CALN1: variants seen among roughly 807,000 people sequenced by gnomAD.
CALN1 encodes calcium-binding protein 8.
CALN1 carries 17 observed loss-of-function variants against 30.6 expected under a neutral mutation model. The ratio of observed to expected loss-of-function variants is 0.56; its 90% CI spans 0.38 to 0.83. The LOEUF (loss-of-function observed/expected upper bound fraction) is 0.83. Among genes scored for constraint, CALN1 ranks in the 40% least tolerant of loss-of-function variants. CALN1 has a pLI of 0.00. For missense variants in CALN1, 291 were observed against 354.9 expected, an observed-to-expected ratio of 0.82 and a Z score of 1.45; for synonymous variants, 156 against 131.4, an observed-to-expected ratio of 1.19 and a Z score of -1.28.
At chr7:72,483,369 C>G in the CALN1 span, among the ~76,000 whole-genome samples, 1 of 150,214 alleles carries the variant, frequency 6.7e-6, no homozygotes, top group Non-Finnish European at 1.5e-5. Context: ...ACTGCAACCT[C>G]CATCTCCCAG....
rs1369094092 is a variant in CALN1, at chr7:72,095,965, AGGGG to A, written c.388+10182_388+10185del. On this transcript the variant is annotated intron_variant, in intron 4 of 6. Coordinates refer to ENST00000395275, the MANE Select transcript of CALN1 (RefSeq NM_031468.4). The stretch of plus-strand genomic sequence containing the variant: ...TGAGGCAGGCGGATGGCTTGAGCCC[AGGGG>A]GCAAGGCTGCAGTGAGCTATGATGA... Among the ~76,000 whole-genome samples, 3 of 152,078 alleles carry A rather than the reference AGGGG, an allele frequency of 2.0e-5. No individual in the cohort carries two copies. The South Asian group carries it at 6.2e-4, about 32-fold the overall frequency.
chr7:72,024,386 A>G (rs1800915223), intron 4 of CALN1, among the ~76,000 whole-genome samples: 1 of 152,070 alleles, frequency 6.6e-6, no homozygotes. Context: ...CATGCTTTCT[A>G]TATTTGAACA....
At chr7:72,159,306 C>A (rs760663647) in intron 3 of CALN1, among the ~76,000 whole-genome samples, 1 of 152,110 alleles carries the variant, frequency 6.6e-6, no homozygotes, top group Non-Finnish European at 1.5e-5. Context: ...AGAACTAGAG[C>A]CTGGGCAATA....
At chr7:72,395,695 T>C (rs944009756) in intron 2 of CALN1, among the ~76,000 whole-genome samples, 4 of 151,622 alleles carry the variant, frequency 2.6e-5, no homozygotes, top group African/African-American at 4.9e-5. Flanking sequence ...GGTGAAAGAG[T>C]GATGAAAAGT....
At chr7:72,356,380 C>T (rs1022132569) in intron 2 of CALN1, among the ~76,000 whole-genome samples, 5 of 151,812 alleles carry the variant, frequency 3.3e-5, no homozygotes, top group African/African-American at 9.7e-5. Context: ...AAAACAATTG[C>T]ACAAAATGTA....
At chr7:72,226,464 A>C (rs1048939981) in intron 3 of CALN1, among the ~76,000 whole-genome samples, 10 of 152,212 alleles carry the variant, frequency 6.6e-5, no homozygotes, top group Admixed American at 4.6e-4. Flanking sequence ...AGCAGCAGGG[A>C]AGGGTCAAGA....
chr7:72,267,675 A>G (rs933826335), intron 3 of CALN1, among the ~76,000 whole-genome samples: 1 of 152,180 alleles, frequency 6.6e-6, no homozygotes, highest in Non-Finnish European at 1.5e-5. Context: ...AAGGTTATTT[A>G]ACTTCTGGAT....
At chr7:71,816,451 C>T (rs564077990) in intron 5 of CALN1, among the ~76,000 whole-genome samples, 28 of 152,144 alleles carry the variant, frequency 1.8e-4, no homozygotes, top group African/African-American at 6.7e-4. Context: ...GATGAGAACA[C>T]CAAGACCCCC....
intron 4 of CALN1, among the ~76,000 whole-genome samples, chr7:72,098,817 T>G (rs2087919659): frequency 7.3e-6 from 1 of 136,406 alleles, no homozygotes; most frequent in South Asian, 2.5e-4. Context: ...GTCCCACCAC[T>G]GAGGGCAAAC....
chr7:72,386,904 G>C (rs1304976125), intron 2 of CALN1, among the ~76,000 whole-genome samples: 2 of 151,920 alleles, frequency 1.3e-5, no homozygotes, highest in Admixed American at 6.6e-5. Flanking sequence ...TAGAAGTATA[G>C]ATATGTGTAC....
At position 72,271,563 on chromosome 7, in the gene CALN1, T is replaced by TAAAAAAAAAAAAAAAAAAAAAA; in HGVS notation, c.244+7122_244+7123insTTTTTTTTTTTTTTTTTTTTTT. Reference sequence around the variant, plus strand: ...AAGCATGAACCACTGTGCCTGCCTTTTAAAAAAAAAAAATATATATATATA... The same window carrying TAAAAAAAAAAAAAAAAAAAAAA: ...AAGCATGAACCACTGTGCCTGCCTTTAAAAAAAAAAAAAAAAAAAAAATAAAAAAAAAAAATATATATATATA... On this transcript the variant is annotated intron_variant, in intron 3 of 6. Coordinates refer to ENST00000395275, the MANE Select transcript of CALN1 (RefSeq NM_031468.4). 2.6e-5 allele frequency among the ~76,000 whole-genome samples: 2 copies of TAAAAAAAAAAAAAAAAAAAAAA among 76,310 alleles called. 1 individual carries two copies. The highest frequency in any genetic ancestry group is 0.01 in the Middle Eastern group (2 of 194). The allele number at this position is 76,310 out of a possible 152,430, so 50.1% of individuals were successfully genotyped here.
At chr7:72,097,152 C>A (rs1018172504) in intron 4 of CALN1, among the ~76,000 whole-genome samples, 23 of 151,990 alleles carry the variant, frequency 1.5e-4, no homozygotes, top group Non-Finnish European at 2.9e-4. Flanking sequence ...CACACCGGGG[C>A]CTGTCGTGGG....
At chr7:72,140,248 G>A (rs1358123606) in intron 3 of CALN1, among the ~76,000 whole-genome samples, 6 of 150,232 alleles carry the variant, frequency 4.0e-5, no homozygotes, top group Admixed American at 6.7e-5. Flanking sequence ...TCCAGCCTGG[G>A]TGACAGAGTG....
At chr7:72,477,760 A>G in the CALN1 span, among the ~76,000 whole-genome samples, 3 of 152,030 alleles carry the variant, frequency 2.0e-5, no homozygotes, top group African/African-American at 4.8e-5. Context: ...AGGTCTCACT[A>G]TGTTCCCTAG....
intron 1 of CALN1, among the ~76,000 whole-genome samples, chr7:72,422,102 T>A (rs1350003568): frequency 2.6e-5 from 4 of 152,202 alleles, no homozygotes; most frequent in Non-Finnish European, 5.9e-5. Context: ...TCTGCAAGTG[T>A]CTTTTTCATA....
At chr7:72,186,348 T>G (rs1790187198) in intron 3 of CALN1, among the ~76,000 whole-genome samples, 1 of 141,714 alleles carries the variant, frequency 7.1e-6, no homozygotes, top group Non-Finnish European at 1.6e-5. Context: ...GTGCCCTCCC[T>G]CAGATAGGCA....
chr7:72,197,913 G>A (rs539699778), intron 3 of CALN1, among the ~76,000 whole-genome samples: 1 of 151,950 alleles, frequency 6.6e-6, no homozygotes. Flanking sequence ...AAAAGAACGT[G>A]GCCTGCAGAG....
intron 2 of CALN1, among the ~76,000 whole-genome samples, chr7:72,368,807 C>A (rs996639730): frequency 1.3e-4 from 18 of 143,364 alleles, no homozygotes; most frequent in Non-Finnish European, 2.3e-4. Context: ...TGGTTTGAAA[C>A]CCTTTTTTTT....
At chr7:72,259,011 G>C (rs966492138) in intron 3 of CALN1, among the ~76,000 whole-genome samples, 1 of 151,716 alleles carries the variant, frequency 6.6e-6, no homozygotes, top group Non-Finnish European at 1.5e-5. Flanking sequence ...AACCTGGGAG[G>C]CGGAGGTTGC....
Sources: gnomAD v4.1 joint callset for allele counts (sites outside exome capture counted in the v4.1 genomes callset) on GRCh38, gnomAD v4.1.1 for gene constraint, MANE v1.5 for transcripts, NCBI Gene and HGNC (gene_info 2026-07-23, HGNC 2026-07-21) for gene names.